The following SNTG2 variants were observed in gnomAD, a reference collection of about 807,000 sequenced individuals.
The protein encoded by SNTG2 is syntrophin gamma 2.
In SNTG2, 74 loss-of-function variants were observed where a neutral mutation model predicts 70.9. The observed-to-expected ratio is 1.04, with a 90% confidence interval of 0.86 to 1.27. SNTG2 has a LOEUF of 1.27. Among genes scored for constraint, SNTG2 ranks in the 50% most tolerant of loss-of-function variants. The pLI is 0.00. For synonymous variants in SNTG2, 278 were observed against 273.8 expected, an observed-to-expected ratio of 1.02 and a Z score of -0.15; for missense variants, 717 against 690.7, an observed-to-expected ratio of 1.04 and a Z score of -0.43.
intron 2 of SNTG2, among the ~76,000 whole-genome samples, chr2:1,093,339 A>G (rs957224643): frequency 2.6e-5 from 4 of 152,328 alleles, no homozygotes; most frequent in African/African-American, 9.6e-5. Flanking sequence ...AATGCTACCC[A>G]GAACCTTAAA....
intron 1 of SNTG2, among the ~76,000 whole-genome samples, chr2:1,004,265 G>A (rs1243133834): frequency 6.6e-6 from 1 of 152,202 alleles, no homozygotes; most frequent in East Asian, 1.9e-4. Context: ...CCTGGTTTAT[G>A]TTGGATATGA....
chr2:1,101,438 C>T (rs982752299), intron 4 of SNTG2, among the ~76,000 whole-genome samples: 1 of 152,236 alleles, frequency 6.6e-6, no homozygotes, highest in Non-Finnish European at 1.5e-5. Flanking sequence ...ACAGAAAGTC[C>T]TGGCAATGAA....
chr2:1,087,313 C>T (rs1463931247), intron 2 of SNTG2, among the ~76,000 whole-genome samples: 5 of 152,134 alleles, frequency 3.3e-5, no homozygotes, highest in Non-Finnish European at 5.9e-5. Flanking sequence ...CAGAAGAGTT[C>T]GTGTAGCATG....
chr2:1,116,474 G>A (rs748197171), intron 4 of SNTG2, among the ~76,000 whole-genome samples: 2 of 151,430 alleles, frequency 1.3e-5, no homozygotes, highest in East Asian at 3.9e-4. Context: ...TGGTGTGTGG[G>A]TGCTTCGGTG....
chr2:1,354,930 C>A (rs558666253), intron 16 of SNTG2, among the ~76,000 whole-genome samples: 4 of 152,182 alleles, frequency 2.6e-5, no homozygotes, highest in African/African-American at 4.8e-5. Flanking sequence ...AAGAGCCGGG[C>A]GGAAGTTCTC....
intron 8 of SNTG2, among the ~76,000 whole-genome samples, chr2:1,186,223 T>A (rs925813175): frequency 6.6e-6 from 1 of 152,178 alleles, no homozygotes; most frequent in Non-Finnish European, 1.5e-5. Flanking sequence ...CTCATTTCCA[T>A]CTGAGACCAC....
chr2:1,124,600 C>G (rs1292503175), intron 4 of SNTG2, among the ~76,000 whole-genome samples: 1 of 152,214 alleles, frequency 6.6e-6, no homozygotes, highest in East Asian at 1.9e-4. Flanking sequence ...CCGGCCTACT[C>G]AGTCTTAAAG....
chr2:1,165,038 G>T (rs1396802538), intron 6 of SNTG2, among the ~76,000 whole-genome samples: 2 of 152,224 alleles, frequency 1.3e-5, no homozygotes. Flanking sequence ...TGAGGTGACT[G>T]AAACAGTTTG....
intron 9 of SNTG2, among the ~76,000 whole-genome samples, chr2:1,223,587 C>G (rs1313964576): frequency 6.6e-6 from 1 of 152,238 alleles, no homozygotes; most frequent in East Asian, 1.9e-4. Flanking sequence ...CCCATTACAA[C>G]TAAACATGAA....
intron 1 of SNTG2, among the ~76,000 whole-genome samples, chr2:1,060,577 A>C (rs6733908): frequency 6.6e-6 from 1 of 152,128 alleles, no homozygotes; most frequent in African/African-American, 2.4e-5. Flanking sequence ...TATAAGGTTC[A>C]TCTGGAAGAG....
intron 1 of SNTG2, among the ~76,000 whole-genome samples, chr2:1,035,513 A>C (rs753843763): frequency 2.0e-5 from 3 of 152,136 alleles, no homozygotes; most frequent in Non-Finnish European, 4.4e-5. Context: ...ACTGGAACCA[A>C]CTCTCCAGCT....
intron 4 of SNTG2, among the ~76,000 whole-genome samples, chr2:1,136,587 T>C (rs75340589): frequency 0.011 from 1,651 of 152,364 alleles, 30 homozygotes; most frequent in African/African-American, 0.038. Context: ...ATATTTAGAA[T>C]TGACAGTTAA....
chr2:992,525 GA>G (rs1661534645), intron 1 of SNTG2, among the ~76,000 whole-genome samples: 1 of 152,156 alleles, frequency 6.6e-6, no homozygotes, highest in South Asian at 2.1e-4. Flanking sequence ...CAAGATGAGT[GA>G]ATGAATGAAT....
At chr2:1,126,251 G>A (rs1213206814) in intron 4 of SNTG2, among the ~76,000 whole-genome samples, 2 of 152,064 alleles carry the variant, frequency 1.3e-5, no homozygotes, top group African/African-American at 2.4e-5. Flanking sequence ...AACTTCCTGG[G>A]CCTGGCTGAC....
chr2:1,069,228 C>A (rs1312560901), intron 1 of SNTG2, among the ~76,000 whole-genome samples: 1 of 151,996 alleles, frequency 6.6e-6, no homozygotes, highest in East Asian at 1.9e-4. Context: ...TCCTGCAAGA[C>A]TGTGCTGCTT....
rs1357301541 is a variant in SNTG2, at chr2:1,348,182, T to C, written c.1489-19161T>C. 5.9e-5 allele frequency among the ~76,000 whole-genome samples: 9 copies of C among 152,344 alleles called. No homozygotes were observed. In the South Asian group the frequency reaches 1.9e-3, roughly 32 times the overall value. ...CCTGGAGCACAGCATGCCCTTTATA[T>C]GTTTTATTCTAAATGCAAGTGTGCA... is the stretch of plus-strand genomic sequence containing the variant. On this transcript the variant is annotated intron_variant, in intron 16 of 16. Coordinates refer to ENST00000308624, the MANE Select transcript of SNTG2 (RefSeq NM_018968.4).
At chr2:1,187,566 T>C (rs1672324568) in intron 8 of SNTG2, among the ~76,000 whole-genome samples, 1 of 152,098 alleles carries the variant, frequency 6.6e-6, no homozygotes, top group Non-Finnish European at 1.5e-5. Flanking sequence ...TTTATCTCTC[T>C]ACACACACAA....
chr2:1,203,684 A>ATGTG (rs1460485227), intron 8 of SNTG2, among the ~76,000 whole-genome samples: 22 of 145,276 alleles, frequency 1.5e-4, no homozygotes, highest in African/African-American at 5.0e-4. Flanking sequence ...ATATATATAT[A>ATGTG]TATATATGTG....
At chr2:1,036,181 G>A (rs1215935746) in intron 1 of SNTG2, among the ~76,000 whole-genome samples, 1 of 152,056 alleles carries the variant, frequency 6.6e-6, no homozygotes, top group Non-Finnish European at 1.5e-5. Flanking sequence ...TTCTTTCATT[G>A]TACTTGTAGA....
Sources: gnomAD v4.1 joint callset for allele counts (sites outside exome capture counted in the v4.1 genomes callset) on GRCh38, gnomAD v4.1.1 for gene constraint, MANE v1.5 for transcripts, NCBI Gene and HGNC (gene_info 2026-07-23, HGNC 2026-07-21) for gene names.